Variants in CAMK2D observed in about 807,000 individuals in gnomAD.
CAMK2D encodes the protein calcium/calmodulin dependent protein kinase II delta, also known as calcium/calmodulin-dependent protein kinase type II subunit delta.
CAMK2D carries 37 observed loss-of-function variants against 84.0 expected under a neutral mutation model. That is an observed-to-expected ratio of 0.44 (90% confidence interval 0.34 to 0.58). CAMK2D has a LOEUF of 0.58. Ranked by LOEUF, CAMK2D falls within the 20% of genes least tolerant of loss-of-function variation. The probability of loss-of-function intolerance (pLI) is 0.02; values close to 1 mark genes in which losing one functional copy is unlikely to be tolerated. For synonymous variants in CAMK2D, 202 were observed against 212.5 expected (o/e 0.95, Z 0.43); for missense variants, 448 against 652.5 (o/e 0.69, Z 3.41).
chr4:113,662,981 CAA>C (rs1371258795), intron 2 of CAMK2D, among the ~76,000 whole-genome samples: 9 of 152,054 alleles, frequency 5.9e-5, no homozygotes, highest in Non-Finnish European at 1.5e-5. Flanking sequence ...ATTAATAACT[CAA>C]AGTGTCAAAA....
At chr4:113,463,439 C>A (rs902659047) in intron 17 of CAMK2D, among the ~76,000 whole-genome samples, 1 of 152,056 alleles carries the variant, frequency 6.6e-6, no homozygotes, top group Non-Finnish European at 1.5e-5. Flanking sequence ...TGCAATGGTG[C>A]GATCTCAGCT....
intron 16 of CAMK2D, among the ~76,000 whole-genome samples, chr4:113,480,462 C>T (rs747459406): frequency 6.6e-6 from 1 of 152,136 alleles, no homozygotes; most frequent in East Asian, 1.9e-4. Flanking sequence ...CTACAAAGTC[C>T]ATGTTGCACC....
At chr4:113,551,829 G>A (rs551447043) in intron 5 of CAMK2D, among the ~76,000 whole-genome samples, 68 of 151,960 alleles carry the variant, frequency 4.5e-4, no homozygotes, top group African/African-American at 1.6e-3. Context: ...GTTTTTCCTT[G>A]TTGTTTTTGA....
chr4:113,694,800 T>C (rs2099398028), intron 2 of CAMK2D, among the ~76,000 whole-genome samples: 1 of 152,204 alleles, frequency 6.6e-6, no homozygotes, highest in South Asian at 2.1e-4. Flanking sequence ...TATCATACAT[T>C]GTGCTCTAAT....
chr4:113,664,820 TG>T (rs2099251348), intron 2 of CAMK2D, among the ~76,000 whole-genome samples: 4 of 151,700 alleles, frequency 2.6e-5, no homozygotes, highest in African/African-American at 9.7e-5. Context: ...TTTTTTTTTT[TG>T]AGACAGAGTT....
chr4:113,647,442 C>T (rs1223613331), intron 3 of CAMK2D, among the ~76,000 whole-genome samples: 1 of 152,126 alleles, frequency 6.6e-6, no homozygotes, highest in East Asian at 1.9e-4. Context: ...TCAAATAATG[C>T]TGGCTATTTA....
intron 2 of CAMK2D, among the ~76,000 whole-genome samples, chr4:113,735,094 C>T (rs894422553): frequency 9.2e-5 from 14 of 151,464 alleles, no homozygotes; most frequent in African/African-American, 2.7e-4. Flanking sequence ...ACTACAATAC[C>T]GATAGCATAT....
intron 3 of CAMK2D, among the ~76,000 whole-genome samples, chr4:113,643,888 A>C (rs765859700): frequency 2.6e-5 from 4 of 152,232 alleles, no homozygotes; most frequent in Non-Finnish European, 4.4e-5. Flanking sequence ...CAGAGTATTT[A>C]TGGGGACCCA....
chr4:113,528,170 A>T (rs2098434828), intron 8 of CAMK2D, among the ~76,000 whole-genome samples: 1 of 152,158 alleles, frequency 6.6e-6, no homozygotes, highest in Non-Finnish European at 1.5e-5. Flanking sequence ...TTTGTTTTTT[A>T]AGCCTACTAT....
intron 14 of CAMK2D, among the ~76,000 whole-genome samples, chr4:113,503,856 C>A (rs1443135295): frequency 1.3e-5 from 2 of 152,114 alleles, no homozygotes; most frequent in East Asian, 3.9e-4. Context: ...ACATGCTTGG[C>A]ACTTTCATTG....
In CAMK2D at chr4:113,628,085, A is replaced by C. The variant is rs187722721; in HGVS notation, c.221-18879T>G. The stretch of plus-strand genomic sequence containing the variant: ...GATTAATAAACACACTTAACTGTAG[A>C]TGAGGAAATCAAATCTATGTGGTTA... On this transcript the variant is annotated intron_variant, in intron 3 of 20. Transcript: ENST00000511664. Among the ~76,000 whole-genome samples, 164 of 152,334 alleles carry C rather than the reference A, an allele frequency of 1.1e-3. 1 individual carries two copies. Among genetic ancestry groups the C allele is most frequent in the African/African-American group, 3.6e-3 (150 of 41,584 alleles).
intron 2 of CAMK2D, among the ~76,000 whole-genome samples, chr4:113,710,911 A>C (rs2099490262): frequency 6.6e-6 from 1 of 152,166 alleles, no homozygotes; most frequent in Admixed American, 6.5e-5. Context: ...TGTTTCTCTA[A>C]TGCATGTCTT....
intron 2 of CAMK2D, among the ~76,000 whole-genome samples, chr4:113,758,071 T>C (rs1190706613): frequency 6.6e-6 from 1 of 152,194 alleles, no homozygotes; most frequent in African/African-American, 2.4e-5. Flanking sequence ...CTACACATTT[T>C]CATTTTTTTA....
Position 113,452,320 on chromosome 4 carries a change from T to C in CAMK2D, c.*2225A>G, listed in dbSNP as rs1305000776. ...CAAGTGCAAATTGTTATGTACTAAA[T>C]GAGACCAGAGTAGGACACACTGCCC... On this transcript the variant is annotated 3_prime_UTR_variant, in exon 21 of 21. Coordinates refer to ENST00000511664, the MANE Select transcript of CAMK2D (RefSeq NM_001321571.2). 1 of 152,180 alleles carries C rather than the reference T, an allele frequency of 6.6e-6. No homozygotes were observed. The highest frequency in any genetic ancestry group is 1.5e-5 in the Non-Finnish European group (1 of 68,028). The allele number at this position is 152,180 out of a possible 1,614,324, so 9.4% of individuals were successfully genotyped here.
chr4:113,469,486 T>A (rs1170485994), intron 16 of CAMK2D, among the ~76,000 whole-genome samples: 1 of 152,030 alleles, frequency 6.6e-6, no homozygotes, highest in East Asian at 1.9e-4. Flanking sequence ...TCAATTTGAG[T>A]CCCTCTCCTT....
intron 4 of CAMK2D, among the ~76,000 whole-genome samples, chr4:113,608,779 T>C (rs1299850814): frequency 1.3e-5 from 2 of 152,218 alleles, no homozygotes; most frequent in Non-Finnish European, 2.9e-5. Context: ...GTTTCTTCCT[T>C]GAGTCTTCTT....
At chr4:113,521,206 C>T (rs1462719965) in intron 8 of CAMK2D, among the ~76,000 whole-genome samples, 1 of 152,140 alleles carries the variant, frequency 6.6e-6, no homozygotes, top group Non-Finnish European at 1.5e-5. Context: ...TCCCCAACAT[C>T]CCCCAAAGGT....
intron 6 of CAMK2D, among the ~76,000 whole-genome samples, chr4:113,538,908 G>T (rs905653014): frequency 7.2e-5 from 11 of 152,136 alleles, no homozygotes; most frequent in African/African-American, 2.7e-4. Flanking sequence ...ACCGGTAAAT[G>T]TGAGAAAACT....
At chr4:113,650,831 G>A (rs2099169701) in intron 3 of CAMK2D, among the ~76,000 whole-genome samples, 1 of 152,300 alleles carries the variant, frequency 6.6e-6, no homozygotes, top group African/African-American at 2.4e-5. Flanking sequence ...ATGAGATTCT[G>A]CACATGTATT....
Sources: gnomAD v4.1 joint callset for allele counts (sites outside exome capture counted in the v4.1 genomes callset) on GRCh38, gnomAD v4.1.1 for gene constraint, MANE v1.5 for transcripts, NCBI Gene and HGNC (gene_info 2026-07-23, HGNC 2026-07-21) for gene names.